EIF2S2: variants seen among roughly 807,000 people sequenced by gnomAD.
EIF2S2 encodes the protein eukaryotic translation initiation factor 2 subunit beta.
EIF2S2 carries 4 observed loss-of-function variants against 44.0 expected under a neutral mutation model. The observed-to-expected ratio is 0.09, with a 90% CI of 0.04 to 0.21. EIF2S2 has a LOEUF of 0.21. Among genes scored for constraint, EIF2S2 ranks in the 10% least tolerant of loss-of-function variants. The pLI is 1.00. For missense variants in EIF2S2, 154 were observed against 392.0 expected (o/e 0.39, Z 5.13); for synonymous variants, 108 against 128.3 (o/e 0.84, Z 1.07).
intron 7 of EIF2S2, among the ~76,000 whole-genome samples, chr20:34,091,297 G>A (rs966724319): frequency 6.6e-6 from 1 of 152,180 alleles, no homozygotes; most frequent in Non-Finnish European, 1.5e-5. Context: ...GGCTACGTTT[G>A]TTTTTTAAAA....
At chr20:34,097,942 A>T (rs561032116) in intron 4 of EIF2S2, among the ~76,000 whole-genome samples, 15 of 152,202 alleles carry the variant, frequency 9.9e-5, no homozygotes, top group Admixed American at 5.9e-4. Flanking sequence ...AGTTTAAAAA[A>T]TTTTTTTAAT....
chr20:34,102,626 A>G (rs920211768), intron 3 of EIF2S2, among the ~76,000 whole-genome samples: 4 of 152,232 alleles, frequency 2.6e-5, no homozygotes, highest in African/African-American at 9.7e-5. Flanking sequence ...GAGCAAATAA[A>G]CTACTTATCA....
chr20:34,090,413 G>A, intron 8 of EIF2S2, 104 bp downstream of exon 8: 1 of 670,060 alleles, frequency 1.5e-6, no homozygotes. Flanking sequence ...ATCTTTTTAA[G>A]GCCAGCTTTT....
chr20:34,111,970 C>A, intron 1 of EIF2S2, 126 bp downstream of exon 1: 1 of 1,117,048 alleles, frequency 9.0e-7, no homozygotes, highest in South Asian at 3.5e-5. Flanking sequence ...CGCTCCGGGC[C>A]GCCTAGGCGC....
intron 2 of EIF2S2, among the ~76,000 whole-genome samples, chr20:34,104,335 A>G (rs1475518372): frequency 2.6e-5 from 4 of 152,122 alleles, no homozygotes. Context: ...ATCTTGGTTA[A>G]ATTACTTCCA....
chr20:34,097,615 T>C, intron 4 of EIF2S2, 99 bp from the exon 5 acceptor site: 2 of 895,480 alleles, frequency 2.2e-6, no homozygotes, highest in South Asian at 1.6e-5. Context: ...GACATCTGTC[T>C]TCCCTTCCAC....
In EIF2S2 at chr20:34,112,124, G is replaced by A; in HGVS notation, c.-14C>T. On this transcript the variant is annotated 5_prime_UTR_variant, in exon 1 of 9. Transcript: ENST00000374980. The stretch of plus-strand genomic sequence containing the variant: ...GTCCCCAGACATGGCTGCGGCTCGA[G>A]TGGGCTCGGCACGGACGGGAAGTCA... The A allele has an allele frequency of 6.5e-7, 1 of 1,550,036 alleles. No homozygotes were observed. Among genetic ancestry groups the A allele is most frequent in the Non-Finnish European group, 8.7e-7 (1 of 1,146,240 alleles).
In EIF2S2 at chr20:34,089,627, A is replaced by T; in HGVS notation, c.*103T>A. On this transcript the variant is annotated 3_prime_UTR_variant, in exon 9 of 9. Transcript: ENST00000374980. Reference sequence around the variant, plus strand: ...CCAACCACTCGCCAAAAATCTTGGCAGCTTTTTTATCTTGTTTTTAATACA... The same window carrying T: ...CCAACCACTCGCCAAAAATCTTGGCTGCTTTTTTATCTTGTTTTTAATACA... 1 of 1,356,618 alleles carries T rather than the reference A, an allele frequency of 7.4e-7. No individual in the cohort carries two copies. Among genetic ancestry groups the T allele is most frequent in the Non-Finnish European group, 9.8e-7 (1 of 1,017,068 alleles). 84.0% of individuals were successfully genotyped at this position (1,356,618 alleles called of 1,614,324 possible).
At chr20:34,093,826 T>C in intron 6 of EIF2S2, 95 bp from the exon 7 acceptor site, 3 of 1,139,230 alleles carry the variant, frequency 2.6e-6, no homozygotes, top group Non-Finnish European at 3.8e-6. Context: ...TGTGATTATT[T>C]AGCTATTAAG....
chr20:34,099,887 C>T (rs986901328), intron 3 of EIF2S2, among the ~76,000 whole-genome samples: 14 of 152,164 alleles, frequency 9.2e-5, no homozygotes, highest in Admixed American at 8.5e-4. Context: ...GGAGGGCAGG[C>T]GTGGAGCTGC....
chr20:34,103,711 T>A, intron 2 of EIF2S2, 146 bp from the exon 3 acceptor site: 2 of 272,634 alleles, frequency 7.3e-6, no homozygotes, highest in Non-Finnish European at 1.1e-5. Flanking sequence ...CTTATGGTTC[T>A]TTTTTTTTTT....
intron 1 of EIF2S2, among the ~76,000 whole-genome samples, chr20:34,110,267 G>A (rs1219707153): frequency 2.0e-5 from 3 of 152,080 alleles, no homozygotes; most frequent in Non-Finnish European, 2.9e-5. Flanking sequence ...ATCCTCACAA[G>A]TCTGTACAGT....
intron 2 of EIF2S2, 45 bp downstream of exon 2, chr20:34,105,323 C>T (rs1480341152): frequency 6.3e-7 from 1 of 1,589,310 alleles, no homozygotes; most frequent in Admixed American, 1.9e-5. Flanking sequence ...CTCATAGAAC[C>T]AGGGCTTCTA....
At chr20:34,094,897 T>C (rs186460490) in intron 6 of EIF2S2, among the ~76,000 whole-genome samples, 60 of 152,308 alleles carry the variant, frequency 3.9e-4, no homozygotes, top group African/African-American at 1.2e-3. Flanking sequence ...GGTAAAAATA[T>C]AATAAAATAG....
At chr20:34,104,164 T>A (rs537947825) in intron 2 of EIF2S2, among the ~76,000 whole-genome samples, 74 of 152,310 alleles carry the variant, frequency 4.9e-4, no homozygotes, top group African/African-American at 1.7e-3. Flanking sequence ...TAACACAATT[T>A]CCAACTCTCC....
chr20:34,097,734 CTAAT>C (rs1326628341), intron 4 of EIF2S2, among the ~76,000 whole-genome samples: 1 of 152,132 alleles, frequency 6.6e-6, no homozygotes, highest in Non-Finnish European at 1.5e-5. Flanking sequence ...AGAGACCTCT[CTAAT>C]TAGGAGTTGA....
At chr20:34,112,024 G>C (rs1485618419) in intron 1 of EIF2S2, 72 bp downstream of exon 1, 9 of 1,332,306 alleles carry the variant, frequency 6.8e-6, no homozygotes, top group Non-Finnish European at 8.8e-6. Flanking sequence ...CCGCAGGCCC[G>C]TTCTCCCACA....
chr20:34,106,394 T>C (rs955192891), intron 1 of EIF2S2, among the ~76,000 whole-genome samples: 1 of 151,688 alleles, frequency 6.6e-6, no homozygotes, highest in Non-Finnish European at 1.5e-5. Context: ...CTATACAACA[T>C]TTCACTCTGC....
chr20:34,088,423 A>T lies in EIF2S2; in HGVS notation c.*1307T>A, dbSNP rs1052026863. On this transcript the variant is annotated 3_prime_UTR_variant, in exon 9 of 9. Transcript: ENST00000374980. ...GGGGGCATAAACAGCAGTTGGGTTC[A>T]TCGTGGCAGTTGGTGGCAGTTTCAG... 1.3e-5 allele frequency: 2 copies of T among 152,738 alleles called. No individual in the cohort carries two copies. The highest frequency in any genetic ancestry group is 2.9e-5 in the Non-Finnish European group (2 of 68,072). The allele number at this position is 152,738 out of a possible 1,614,324, so 9.5% of individuals were successfully genotyped here.
Sources: allele counts gnomAD v4.1 joint callset (sites outside exome capture counted in the v4.1 genomes callset), GRCh38; gene constraint gnomAD v4.1.1; transcripts MANE v1.5; gene names NCBI Gene and HGNC (gene_info 2026-07-23, HGNC 2026-07-21).